The following TOX2 variants were observed in gnomAD, a reference collection of about 807,000 sequenced individuals.
TOX2 encodes TOX high mobility group box family member 2.
A neutral mutation model predicts 47.4 loss-of-function variants in TOX2; 15 were observed. That is an observed-to-expected ratio of 0.32 (90% CI 0.21 to 0.49). The LOEUF is 0.49. Among genes scored for constraint, TOX2 ranks in the 20% least tolerant of loss-of-function variants. The pLI is 0.99. For synonymous variants in TOX2, 290 were observed against 296.6 expected (o/e 0.98, Z 0.23); for missense variants, 622 against 673.1 (o/e 0.92, Z 0.84).
intron 3 of TOX2, chr20:44,039,117 G>C: frequency 1.6e-6 from 2 of 1,271,288 alleles, no homozygotes; most frequent in Middle Eastern, 2.2e-4. Flanking sequence ...CTCTGCACTT[G>C]AGCAGATGCC....
chr20:44,019,080 T>TTGAC (rs112089152), intron 3 of TOX2, among the ~76,000 whole-genome samples: 1,883 of 152,108 alleles, frequency 0.012, 14 homozygotes, highest in Middle Eastern at 0.041. Context: ...AAAAGGTTTG[T>TTGAC]TGACTGACTG....
At chr20:44,044,277 TG>T (rs1191482930) in intron 3 of TOX2, among the ~76,000 whole-genome samples, 1 of 151,348 alleles carries the variant, frequency 6.6e-6, no homozygotes, top group Admixed American at 6.6e-5. Context: ...GGGCCTGTTG[TG>T]GGGGGCGGTT....
chr20:44,068,606 G>A (rs768432104), intron 8 of TOX2, 44 bp from the exon 9 acceptor site: 16 of 1,591,454 alleles, frequency 1.0e-5, no homozygotes, highest in Admixed American at 1.7e-5. Flanking sequence ...CCCTGGCCCG[G>A]AGAGGTACCC....
chr20:44,021,313 CA>C (rs1326174754), intron 3 of TOX2, among the ~76,000 whole-genome samples: 2 of 152,158 alleles, frequency 1.3e-5, no homozygotes, highest in African/African-American at 4.8e-5. Flanking sequence ...ACATTTGCAG[CA>C]CTGGTAGCAA....
chr20:44,030,420 T>C (rs147599313), intron 3 of TOX2, among the ~76,000 whole-genome samples: 3 of 152,340 alleles, frequency 2.0e-5, no homozygotes, highest in Non-Finnish European at 2.9e-5. Context: ...AAAACTCTTA[T>C]GGGTTTCCAA....
chr20:43,970,114 G>T (rs1013947872), intron 1 of TOX2, among the ~76,000 whole-genome samples: 1 of 152,170 alleles, frequency 6.6e-6, no homozygotes, highest in Non-Finnish European at 1.5e-5. Context: ...GAAAAGCATT[G>T]GTCCCTGCTG....
At chr20:43,948,655 TGGGAGGCCCAG>T (rs1410921539) in intron 1 of TOX2, among the ~76,000 whole-genome samples, 1 of 152,152 alleles carries the variant, frequency 6.6e-6, no homozygotes, top group Non-Finnish European at 1.5e-5. Context: ...TGTCGCCCAC[TGGGAGGCCCAG>T]GGCTGCCCAG....
rs995286277 is a variant in TOX2, at chr20:43,915,896, G to A, written c.99+906G>A. Among the ~76,000 whole-genome samples, 4 of 152,228 alleles carry A rather than the reference G, an allele frequency of 2.6e-5. No individual in the cohort carries two copies. Among genetic ancestry groups the A allele is most frequent in the Admixed American group, 6.5e-5 (1 of 15,288 alleles). ...AGCCAGGTCCCAGCTGCGCTGCGCC[G>A]GGCGCATTCCCAGTGATGGAGGCTT... On this transcript the variant is annotated intron_variant, in intron 1 of 8. Coordinates refer to ENST00000341197, the MANE Select transcript of TOX2 (RefSeq NM_001098797.2). The surrounding 1 kb of genome is among the most constrained non-coding windows in gnomAD (Gnocchi z 7.1).
chr20:44,055,983 GT>G (rs2071609220), intron 5 of TOX2, among the ~76,000 whole-genome samples: 1 of 152,104 alleles, frequency 6.6e-6, no homozygotes, highest in Non-Finnish European at 1.5e-5. Flanking sequence ...TGGTAGGGGA[GT>G]GGGGAAATGA....
At chr20:43,970,990 G>A (rs1600695537) in intron 1 of TOX2, among the ~76,000 whole-genome samples, 1 of 152,314 alleles carries the variant, frequency 6.6e-6, no homozygotes, top group Middle Eastern at 3.4e-3. Context: ...CAAACTCTAG[G>A]CATGGAAGAA....
At chr20:43,951,133 C>G (rs983344326) in intron 1 of TOX2, among the ~76,000 whole-genome samples, 1 of 152,144 alleles carries the variant, frequency 6.6e-6, no homozygotes, top group Non-Finnish European at 1.5e-5. Context: ...GGTCTGGAAG[C>G]CTGTGGTCCC....
At chr20:44,048,388 T>TATATATATATATATA (rs1555845974) in intron 3 of TOX2, among the ~76,000 whole-genome samples, 11 of 86,848 alleles carry the variant, frequency 1.3e-4, no homozygotes, top group African/African-American at 5.0e-4. Context: ...TAAAATGAAT[T>TATATATATATATATA]TATATATATA....
At chr20:44,064,729 T>C in intron 5 of TOX2, 48 bp from the exon 6 acceptor site, 3 of 1,580,654 alleles carry the variant, frequency 1.9e-6, no homozygotes, top group South Asian at 2.2e-5. Context: ...GCACGGCATC[T>C]CCTCTGTAAC....
At chr20:43,969,072 A>T (rs1413186994) in intron 1 of TOX2, among the ~76,000 whole-genome samples, 1 of 152,212 alleles carries the variant, frequency 6.6e-6, no homozygotes, top group Non-Finnish European at 1.5e-5. Context: ...GTTTGTACAC[A>T]TATGGGCACA....
chr20:44,036,425 G>A lies in TOX2; in HGVS notation c.412-14881G>A, dbSNP rs889031139. 2.0e-5 allele frequency among the ~76,000 whole-genome samples: 3 copies of A among 152,240 alleles called. No homozygotes were observed. In the South Asian group the frequency reaches 6.2e-4, roughly 31 times the overall value. ...TACGGCCAAATGACCTTGGGCACGT[G>A]ACTTCTCATTCTGAGCCTCAGTTTC... On this transcript the variant is annotated intron_variant, in intron 3 of 8. Transcript: ENST00000341197.
intron 5 of TOX2, among the ~76,000 whole-genome samples, chr20:44,061,958 C>T (rs1423739769): frequency 1.5e-5 from 2 of 136,676 alleles, no homozygotes; most frequent in Admixed American, 7.1e-5. Flanking sequence ...GCAAAATCGG[C>T]ATAGAAGGGA....
At chr20:43,961,117 G>A (rs1355501521) in intron 1 of TOX2, among the ~76,000 whole-genome samples, 2 of 152,264 alleles carry the variant, frequency 1.3e-5, no homozygotes, top group Admixed American at 6.5e-5. Flanking sequence ...TTTACGGGGT[G>A]CCCCCATGGC....
chr20:43,955,121 C>A, intron 1 of TOX2: 1 of 415,940 alleles, frequency 2.4e-6, no homozygotes, highest in Non-Finnish European at 3.2e-6. Flanking sequence ...TGTTCCACTG[C>A]AGAAATATGA....
intron 2 of TOX2, among the ~76,000 whole-genome samples, chr20:43,998,759 CTATCT>C (rs1412944142): frequency 5.3e-5 from 8 of 150,370 alleles, no homozygotes; most frequent in Non-Finnish European, 7.4e-5. Context: ...ATCTATCTAT[CTATCT>C]ATCTATTTAT....
Sources: allele counts gnomAD v4.1 joint callset (sites outside exome capture counted in the v4.1 genomes callset), GRCh38; gene constraint gnomAD v4.1.1; non-coding constraint Gnocchi (gnomAD v3.1); transcripts MANE v1.5; gene names NCBI Gene and HGNC (gene_info 2026-07-23, HGNC 2026-07-21).